MAP3K2: variants seen among roughly 807,000 people sequenced by gnomAD.
The protein encoded by MAP3K2 is MAP/ERK kinase kinase 2.
A neutral mutation model predicts 80.3 loss-of-function variants in MAP3K2; 24 were observed. The ratio of observed to expected loss-of-function variants is 0.30; its 90% CI spans 0.22 to 0.42. The LOEUF is 0.42. Ranked by LOEUF, MAP3K2 falls within the 10% of genes least tolerant of loss-of-function variation. The pLI, the probability that MAP3K2 is intolerant of heterozygous loss-of-function variation, is 1.00. For synonymous variants in MAP3K2, 244 were observed against 253.7 expected, an observed-to-expected ratio of 0.96 and a Z score of 0.36; for missense variants, 608 against 750.1, an observed-to-expected ratio of 0.81 and a Z score of 2.21.
At chr2:127,368,034 A>T (rs1687000943) in intron 1 of MAP3K2, among the ~76,000 whole-genome samples, 1 of 152,148 alleles carries the variant, frequency 6.6e-6, no homozygotes, top group South Asian at 2.1e-4. Context: ...TAAAATGGCA[A>T]GTATCGGCTG....
In MAP3K2 at chr2:127,325,598, G is replaced by A. The variant is rs541514106; in HGVS notation, c.677+130C>T. On this transcript the variant is annotated intron_variant, in intron 9 of 16. Transcript: ENST00000682094. ...AGTTCCTCGGGGGTCAGAGGTGGGA[G>A]GACTGATGGAGCCAAGGAGGTCAAG... 7.9e-6 allele frequency: 5 copies of A among 636,744 alleles called. No homozygotes were observed. In the South Asian group the frequency reaches 8.1e-5, roughly 10 times the overall value. 39.4% of individuals were successfully genotyped at this position (636,744 alleles called of 1,614,324 possible).
At chr2:127,343,601 T>C (rs1027812546) in intron 1 of MAP3K2, among the ~76,000 whole-genome samples, 2 of 152,026 alleles carry the variant, frequency 1.3e-5, no homozygotes, top group African/African-American at 4.8e-5. Flanking sequence ...AATATGTTGG[T>C]TTAAAAAAAA....
chr2:127,316,883 C>T (rs976609201), intron 14 of MAP3K2: 6 of 152,070 alleles, frequency 3.9e-5, no homozygotes, highest in Non-Finnish European at 7.4e-5. Context: ...ATGCTCATTT[C>T]GGCAGCACAT....
At position 127,343,116 on chromosome 2, in the gene MAP3K2, T is replaced by C; in HGVS notation, c.4+10A>G. 1 of 1,552,566 alleles carries C rather than the reference T, an allele frequency of 6.4e-7. No homozygotes were observed. The highest frequency in any genetic ancestry group is 8.7e-7 in the Non-Finnish European group (1 of 1,146,356). On this transcript the variant is annotated intron_variant, in intron 2 of 16. Coordinates refer to ENST00000682094, the MANE Select transcript of MAP3K2 (RefSeq NM_001371910.2). The stretch of plus-strand genomic sequence containing the variant: ...ATTATTGCTGAAAAATGCTTTTAGT[T>C]TGAACTCACCCATTATGGCAAACAG...
intron 4 of MAP3K2, among the ~76,000 whole-genome samples, chr2:127,337,213 T>A (rs1331531169): frequency 6.6e-6 from 1 of 152,112 alleles, no homozygotes; most frequent in African/African-American, 2.4e-5. Flanking sequence ...ACTACCACCC[T>A]ATCATTTGTG....
At chr2:127,317,525 C>A in intron 14 of MAP3K2, 104 bp downstream of exon 14, 1 of 952,120 alleles carries the variant, frequency 1.1e-6, no homozygotes, top group Non-Finnish European at 1.5e-6. Context: ...CCAAAATGTC[C>A]TTAACTAGGG....
At chr2:127,347,245 C>T (rs72845989) in intron 1 of MAP3K2, among the ~76,000 whole-genome samples, 5,149 of 151,842 alleles carry the variant, frequency 0.034, 129 homozygotes, top group Middle Eastern at 0.071. Context: ...AGTCAGAAGA[C>T]GAGGCAAGAA....
intron 1 of MAP3K2, among the ~76,000 whole-genome samples, chr2:127,376,020 T>C (rs1438816968): frequency 6.6e-6 from 1 of 152,178 alleles, no homozygotes; most frequent in Non-Finnish European, 1.5e-5. Flanking sequence ...CTACTGCACA[T>C]ATCTGTACTC....
rs1685540231 is a variant in MAP3K2, at chr2:127,299,073, A to C, written c.*8506T>G. 2 of 152,344 alleles carry C rather than the reference A, an allele frequency of 1.3e-5. No individual in the cohort carries two copies. Among genetic ancestry groups the C allele is most frequent in the South Asian group, 4.1e-4 (2 of 4,830 alleles). The allele number at this position is 152,344 out of a possible 1,614,324, so 9.4% of individuals were successfully genotyped here. ...CAAACAAAATCAAAATGTGCATGAA[A>C]TGTTGCACGTACCACACTGTATCTG... On this transcript the variant is annotated 3_prime_UTR_variant, in exon 17 of 17. Coordinates refer to ENST00000682094, the MANE Select transcript of MAP3K2 (RefSeq NM_001371910.2).
intron 2 of MAP3K2, among the ~76,000 whole-genome samples, chr2:127,341,783 C>T (rs1028767769): frequency 1.3e-5 from 2 of 152,036 alleles, no homozygotes; most frequent in Non-Finnish European, 2.9e-5. Flanking sequence ...CCACCCGACT[C>T]GGCCTCCCAA....
At position 127,331,933 on chromosome 2, in the gene MAP3K2, G is replaced by A. The variant is rs79320798; in HGVS notation, c.265-1428C>T. On this transcript the variant is annotated intron_variant, in intron 5 of 16. Coordinates refer to ENST00000682094, the MANE Select transcript of MAP3K2 (RefSeq NM_001371910.2). ...AAAAGTCCTTGTTATAAGAAAGGCT[G>A]CCAAACACGAATATAAAGAAGGATT... is the stretch of plus-strand genomic sequence containing the variant. Among the ~76,000 whole-genome samples the A allele has an allele frequency of 6.6e-3, 1,004 of 152,326 alleles. 13 individuals are homozygous for A. Among genetic ancestry groups the A allele is most frequent in the African/African-American group, 0.023 (943 of 41,578 alleles).
At chr2:127,367,999 TC>T (rs1687000289) in intron 1 of MAP3K2, among the ~76,000 whole-genome samples, 1 of 152,004 alleles carries the variant, frequency 6.6e-6, no homozygotes. Context: ...GATAACAAAA[TC>T]TGCAAATGCT....
rs191082467 is a variant in MAP3K2 at position 127,315,764 on chromosome 2, C to A, written c.1327-881G>T. ...GACCAGCCTGGCCAACAGGGTGAAA[C>A]CCCATCTCTACTAAAAATACAAGAA... On this transcript the variant is annotated intron_variant, in intron 14 of 16. Transcript: ENST00000682094. Among the ~76,000 whole-genome samples, 353 of 151,942 alleles carry A rather than the reference C, an allele frequency of 2.3e-3. 1 individual carries two copies. Among genetic ancestry groups the A allele is most frequent in the African/African-American group, 7.7e-3 (320 of 41,418 alleles).
At chr2:127,382,828 T>G (rs953934675) in intron 1 of MAP3K2, among the ~76,000 whole-genome samples, 19 of 152,248 alleles carry the variant, frequency 1.2e-4, no homozygotes, top group Non-Finnish European at 2.8e-4. Context: ...ACCCAGCAGA[T>G]GTCGGTATAT....
intron 1 of MAP3K2, among the ~76,000 whole-genome samples, chr2:127,374,187 G>A (rs993819731): frequency 1.3e-5 from 2 of 152,170 alleles, no homozygotes; most frequent in South Asian, 2.1e-4. Flanking sequence ...TCAGCTCATC[G>A]ATATTGTTAG....
rs77453513 is a variant in MAP3K2, at chr2:127,348,629, T to C, written c.-65-5435A>G. On this transcript the variant is annotated intron_variant, in intron 1 of 16. Coordinates refer to ENST00000682094, the MANE Select transcript of MAP3K2 (RefSeq NM_001371910.2). ...ACTGTGAATGAGTATGAAGTATCTT[T>C]TGGGGGATGAGGAAATGTTCTGGAG... is the stretch of plus-strand genomic sequence containing the variant. Among the ~76,000 whole-genome samples, 44 of 152,214 alleles carry C rather than the reference T, an allele frequency of 2.9e-4. 1 individual carries two copies. In the East Asian group the frequency reaches 7.9e-3, roughly 27 times the overall value.
intron 5 of MAP3K2, among the ~76,000 whole-genome samples, chr2:127,331,002 T>A (rs1362083112): frequency 6.6e-6 from 1 of 152,050 alleles, no homozygotes; most frequent in Non-Finnish European, 1.5e-5. Context: ...CATGGAGGGG[T>A]ACCACTAGTA....
chr2:127,343,790 G>T (rs942117016), intron 1 of MAP3K2, among the ~76,000 whole-genome samples: 1 of 152,202 alleles, frequency 6.6e-6, no homozygotes, highest in Non-Finnish European at 1.5e-5. Flanking sequence ...GGCCTAGGCA[G>T]GCGGATTGCT....
chr2:127,308,169 C>A (rs1232045306), intron 16 of MAP3K2, among the ~76,000 whole-genome samples: 1 of 151,878 alleles, frequency 6.6e-6, no homozygotes, highest in African/African-American at 2.4e-5. Flanking sequence ...CTATTAAAGT[C>A]TTTTCTGGGT....
Sources: allele counts gnomAD v4.1 joint callset (sites outside exome capture counted in the v4.1 genomes callset), GRCh38; gene constraint gnomAD v4.1.1; transcripts MANE v1.5; gene names NCBI Gene and HGNC (gene_info 2026-07-23, HGNC 2026-07-21).